DIAPH1: variants seen among roughly 807,000 people sequenced by gnomAD.
DIAPH1 encodes the protein protein diaphanous homolog 1.
Under a neutral mutation model 140.7 loss-of-function variants are expected in DIAPH1, and 46 were observed. The observed-to-expected ratio is 0.33, with a 90% CI of 0.26 to 0.42. DIAPH1 has a LOEUF of 0.42. Among genes scored for constraint, DIAPH1 ranks in the 10% least tolerant of loss-of-function variants. The pLI is 1.00. For missense variants in DIAPH1, 1,310 were observed against 1,558.7 expected, an observed-to-expected ratio of 0.84 and a Z score of 2.69; for synonymous variants, 565 against 551.6, an observed-to-expected ratio of 1.02 and a Z score of -0.34.
At chr5:141,591,709 TA>T (rs2099898472) in intron 1 of DIAPH1, among the ~76,000 whole-genome samples, 1 of 80,838 alleles carries the variant, frequency 1.2e-5, no homozygotes, top group Non-Finnish European at 2.6e-5. Flanking sequence ...TATATATATA[TA>T]TATATATATA....
chr5:141,605,927 C>A (rs1381121086), intron 1 of DIAPH1, among the ~76,000 whole-genome samples: 1 of 152,150 alleles, frequency 6.6e-6, no homozygotes, highest in African/African-American at 2.4e-5. Context: ...ATGCAAAGAG[C>A]TGCCAACTAA....
intron 18 of DIAPH1, among the ~76,000 whole-genome samples, chr5:141,566,421 T>C (rs1390859717): frequency 6.6e-6 from 1 of 152,212 alleles, no homozygotes; most frequent in African/African-American, 2.4e-5. Flanking sequence ...TGTCAGTAGA[T>C]GACAACATGA....
intron 19 of DIAPH1, among the ~76,000 whole-genome samples, chr5:141,530,731 C>A (rs1378160231): frequency 1.3e-5 from 2 of 152,188 alleles, no homozygotes; most frequent in East Asian, 1.9e-4. Flanking sequence ...TCTTATCCTA[C>A]TTAAAAATAA....
chr5:141,591,726 A>ATATATG (rs2099898452), intron 1 of DIAPH1, among the ~76,000 whole-genome samples: 1 of 134,222 alleles, frequency 7.5e-6, no homozygotes, highest in Non-Finnish European at 1.6e-5. Context: ...ATATATATAT[A>ATATATG]TGAAGGAAGA....
At chr5:141,517,995 G>A (rs2099885949) in intron 27 of DIAPH1, among the ~76,000 whole-genome samples, 1 of 152,172 alleles carries the variant, frequency 6.6e-6, no homozygotes, top group Admixed American at 6.5e-5. Context: ...ACAGCACAGA[G>A]CAACTGTGTA....
intron 18 of DIAPH1, among the ~76,000 whole-genome samples, chr5:141,543,913 T>C (rs750416580): frequency 1.3e-5 from 2 of 152,162 alleles, no homozygotes; most frequent in Non-Finnish European, 2.9e-5. Context: ...CAACGGACCA[T>C]AGAACTAAAT....
chr5:141,611,435 T>A (rs1292450846), intron 1 of DIAPH1, among the ~76,000 whole-genome samples: 1 of 152,152 alleles, frequency 6.6e-6, no homozygotes, highest in Admixed American at 6.5e-5. Flanking sequence ...GACACACGCC[T>A]GTAGTCCCAG....
In DIAPH1 at chr5:141,565,526, G is replaced by C. The variant is rs1031177015; in HGVS notation, c.2482+5902C>G. Among the ~76,000 whole-genome samples, 4 of 152,134 alleles carry C rather than the reference G, an allele frequency of 2.6e-5. No homozygotes were observed. The highest frequency in any genetic ancestry group is 7.2e-5 in the African/African-American group (3 of 41,430). ...AGGAACTGGCTTTAGACAGGACCAT[G>C]GTAACAGAGGAAGACAGAATTCTGC... On this transcript the variant is annotated intron_variant, in intron 18 of 27. Coordinates refer to ENST00000389054, the MANE Select transcript of DIAPH1 (RefSeq NM_005219.5). The surrounding 1 kb of genome is among the most constrained non-coding windows in gnomAD (Gnocchi z 4.3).
intron 1 of DIAPH1, among the ~76,000 whole-genome samples, chr5:141,605,312 A>C (rs2099900762): frequency 6.6e-6 from 1 of 152,200 alleles, no homozygotes. Flanking sequence ...TGTTGTAAAA[A>C]TATTTGTGCA....
chr5:141,608,645 G>A (rs1489023353), intron 1 of DIAPH1, among the ~76,000 whole-genome samples: 1 of 152,154 alleles, frequency 6.6e-6, no homozygotes, highest in Non-Finnish European at 1.5e-5. Flanking sequence ...CTCACCACTA[G>A]TCACCAGAAA....
At chr5:141,611,485 G>C (rs953910651) in intron 1 of DIAPH1, among the ~76,000 whole-genome samples, 26 of 152,294 alleles carry the variant, frequency 1.7e-4, no homozygotes, top group African/African-American at 5.8e-4. Flanking sequence ...AAGCCCAGGA[G>C]ATTAAGGCTG....
chr5:141,581,427 A>G (rs994421468), intron 7 of DIAPH1, among the ~76,000 whole-genome samples: 2 of 152,256 alleles, frequency 1.3e-5, no homozygotes, highest in African/African-American at 4.8e-5. Context: ...ACTTTTCCCA[A>G]TATAATTAGA....
At chr5:141,607,120 T>C (rs2099901105) in intron 1 of DIAPH1, among the ~76,000 whole-genome samples, 1 of 152,148 alleles carries the variant, frequency 6.6e-6, no homozygotes, top group Non-Finnish European at 1.5e-5. Context: ...AGATGGGAGA[T>C]AAGACCCCAA....
At chr5:141,561,998 A>G (rs2154595979) in intron 18 of DIAPH1, 1 of 152,346 alleles carries the variant, frequency 6.6e-6, no homozygotes, top group South Asian at 2.1e-4. Flanking sequence ...ATCACACTCG[A>G]GTGAAGTCTG....
intron 1 of DIAPH1, among the ~76,000 whole-genome samples, chr5:141,615,218 G>A (rs982164186): frequency 4.6e-5 from 7 of 151,404 alleles, no homozygotes; most frequent in East Asian, 1.9e-4. Flanking sequence ...GGCGGATCAC[G>A]AGGTCAGGAA....
chr5:141,582,344 T>C lies in DIAPH1; in HGVS notation c.652A>G (p.Ile218Val), dbSNP rs2099896903. ...TTCATAAAAGCTTTCAAGCAGCGAA[T>C]GATCTCATGCTTGTTCCGGCTATCG... ...SYDSRNKHEI[I>V]RCLKAFMNNK... The change falls in exon 7 of 28, where the codon ATT becomes GTT. Residue 218 changes from isoleucine to valine, a missense_variant. Around this residue, in one of 3 missense-constraint regions of DIAPH1, gnomAD observed 377 missense variants for 497.1 expected, o/e 0.76. Coordinates refer to ENST00000389054, the MANE Select transcript of DIAPH1 (RefSeq NM_005219.5). The C allele has an allele frequency of 1.9e-6, 3 of 1,614,008 alleles. No homozygotes were observed. The highest frequency in any genetic ancestry group is 2.5e-6 in the Non-Finnish European group (3 of 1,179,878).
Position 141,618,858 on chromosome 5 carries a change from C to T in DIAPH1, c.57G>A (p.Lys19=). ...AGGGCAGCTCATCTGGGCTCCGGCC[C>T]TTCTTCTTGTCCCGGGTCCCGCGGC... ...GPGRGTRDKK[K]GRSPDELPSA... Residue 19 remains lysine, a synonymous_variant, in exon 1 of 28, where the codon AAG becomes AAA. Transcript: ENST00000389054. 1 of 1,533,974 alleles carries T rather than the reference C, an allele frequency of 6.5e-7. No individual in the cohort carries two copies. The highest frequency in any genetic ancestry group is 8.8e-7 in the Non-Finnish European group (1 of 1,140,114).
At chr5:141,524,119 G>A in intron 27 of DIAPH1, 24 bp downstream of exon 27, 2 of 1,609,476 alleles carry the variant, frequency 1.2e-6, no homozygotes, top group African/African-American at 2.7e-5. Flanking sequence ...CGACACCCAG[G>A]ATGAGCTCCA....
intron 1 of DIAPH1, among the ~76,000 whole-genome samples, chr5:141,617,577 G>T (rs1045022435): frequency 6.6e-6 from 1 of 152,148 alleles, no homozygotes; most frequent in African/African-American, 2.4e-5. Context: ...GGGACTAAGA[G>T]TTACAAGCCA....
Sources: allele counts gnomAD v4.1 joint callset (sites outside exome capture counted in the v4.1 genomes callset), GRCh38; gene constraint gnomAD v4.1.1; regional missense constraint gnomAD v4.1.1; non-coding constraint Gnocchi (gnomAD v3.1); transcripts MANE v1.5; gene names NCBI Gene and HGNC (gene_info 2026-07-23, HGNC 2026-07-21).